The following SETD2 variants were observed in gnomAD, a reference collection of about 807,000 sequenced individuals.
SETD2 encodes the protein histone-lysine N-methyltransferase SETD2.
SETD2 carries 31 observed loss-of-function variants against 242.1 expected under a neutral mutation model. That is an observed-to-expected ratio of 0.13 (90% confidence interval 0.10 to 0.17). The LOEUF is 0.17. SETD2 is among the 10% of genes least tolerant of loss of function. The pLI, the probability that SETD2 is intolerant of heterozygous loss-of-function variation, is 1.00. For synonymous variants in SETD2, 1,006 were observed against 1,066.5 expected, an observed-to-expected ratio of 0.94 and a Z score of 1.11; for missense variants, 2,481 against 3,046.3, an observed-to-expected ratio of 0.81 and a Z score of 4.37.
At chr3:47,109,650 A>C (rs1314631728) in intron 5 of SETD2, among the ~76,000 whole-genome samples, 1 of 152,112 alleles carries the variant, frequency 6.6e-6, no homozygotes, top group African/African-American at 2.4e-5. Context: ...CCTGTGTCGG[A>C]AAACAACAAA....
In SETD2 at chr3:47,120,093, T is replaced by C. The variant is rs531323766; in HGVS notation, c.4454+89A>G. The C allele has an allele frequency of 2.9e-5, 31 of 1,063,726 alleles. No individual in the cohort carries two copies. In the African/African-American group the frequency reaches 4.8e-4, roughly 16 times the overall value. The allele number at this position is 1,063,726 out of a possible 1,614,324, so 65.9% of individuals were successfully genotyped here. A position where few individuals can be genotyped will look rare whatever the true frequency, so the allele number is the denominator to read the frequency against. On this transcript the variant is annotated intron_variant, in intron 3 of 20. Transcript: ENST00000409792. ...TTATCCCACAACTCTTTCATGTGTT[T>C]AATCTCATACAGTCTGAATTGTTTA...
chr3:47,129,713 C>A (rs2043432796), intron 1 of SETD2, among the ~76,000 whole-genome samples: 1 of 152,042 alleles, frequency 6.6e-6, no homozygotes, highest in Non-Finnish European at 1.5e-5. Flanking sequence ...TGGGGAAACC[C>A]CATCTCTACA....
chr3:47,036,982 T>C (rs1209799186), intron 18 of SETD2, among the ~76,000 whole-genome samples: 1 of 148,614 alleles, frequency 6.7e-6, no homozygotes, highest in East Asian at 2.0e-4. Context: ...CCATCACAAT[T>C]CTTGGCCATA....
rs2043152074 is a variant in SETD2, at chr3:47,122,740, T to C, written c.1896A>G (p.Glu632=). 1.2e-6 allele frequency: 2 copies of C among 1,610,994 alleles called. No individual in the cohort carries two copies. The highest frequency in any genetic ancestry group is 1.7e-6 in the Non-Finnish European group (2 of 1,178,940). ...TAAATTCGGACTTAAAAATAGGCAA[T>C]TCATCTAGCTTTTTTAAAGTAGGTG... ...NDSPTLKKLD[E]LPIFKSEFIT... The change falls in exon 3 of 21, where the codon GAA becomes GAG. Residue 632 remains glutamate, a synonymous_variant. Transcript: ENST00000409792.
chr3:47,116,892 A>T, intron 3 of SETD2, 138 bp from the exon 4 acceptor site: 1 of 602,738 alleles, frequency 1.7e-6, no homozygotes, highest in Non-Finnish European at 2.8e-6. Flanking sequence ...CACCCAGGCC[A>T]GGGTGCAGTG....
At chr3:47,150,654 T>C (rs1465438070) in intron 1 of SETD2, among the ~76,000 whole-genome samples, 3 of 152,096 alleles carry the variant, frequency 2.0e-5, no homozygotes, top group African/African-American at 7.2e-5. Context: ...CTCAATTCCC[T>C]GACCTCTGTC....
chr3:47,084,910 T>C (rs2107642673), intron 11 of SETD2, among the ~76,000 whole-genome samples: 1 of 151,090 alleles, frequency 6.6e-6, no homozygotes, highest in African/African-American at 2.4e-5. Context: ...TTTTTTTTTT[T>C]AGTAGAGATG....
intron 1 of SETD2, among the ~76,000 whole-genome samples, chr3:47,144,844 G>T (rs183868413): frequency 2.6e-5 from 4 of 151,792 alleles, no homozygotes; most frequent in African/African-American, 4.8e-5. Context: ...CCAGCTACTC[G>T]GGAGGCTGAG....
At chr3:47,064,096 GA>G (rs1215045916) in intron 13 of SETD2, among the ~76,000 whole-genome samples, 2 of 152,228 alleles carry the variant, frequency 1.3e-5, no homozygotes, top group Admixed American at 1.3e-4. Flanking sequence ...CTCTTATTGA[GA>G]ATTTCTCTCA....
chr3:47,134,922 C>T lies in SETD2; in HGVS notation c.72-8259G>A, dbSNP rs561120773. On this transcript the variant is annotated intron_variant, in intron 1 of 20. Transcript: ENST00000409792. ...TATAGGTGTAAACCACCACACCCGG[C>T]CTGAATGACATTTTAGAAAGGTAAC... 7.9e-5 allele frequency among the ~76,000 whole-genome samples: 12 copies of T among 152,244 alleles called. 1 individual carries two copies. The South Asian group carries it at 2.5e-3, about 32-fold the overall frequency.
intron 17 of SETD2, among the ~76,000 whole-genome samples, chr3:47,042,037 A>G (rs2039303912): frequency 6.6e-6 from 1 of 152,220 alleles, no homozygotes; most frequent in Non-Finnish European, 1.5e-5. Context: ...AAATCTCCTC[A>G]GCTTTCTCCA....
At chr3:47,033,652 A>ATTTTTTTT (rs34978514) in intron 18 of SETD2, among the ~76,000 whole-genome samples, 5 of 90,854 alleles carry the variant, frequency 5.5e-5, no homozygotes, top group East Asian at 4.0e-4. Context: ...TCATGGTTTG[A>ATTTTTTTT]TTTTTTTTTT....
At chr3:47,113,106 CTTT>C (rs67797383) in intron 5 of SETD2, among the ~76,000 whole-genome samples, 1 of 148,208 alleles carries the variant, frequency 6.7e-6, no homozygotes, top group Non-Finnish European at 1.5e-5. Context: ...CTCTTCTACT[CTTT>C]TTTTTTTTCT....
intron 1 of SETD2, among the ~76,000 whole-genome samples, chr3:47,142,232 G>A (rs905704995): frequency 5.3e-5 from 8 of 152,190 alleles, no homozygotes; most frequent in Admixed American, 5.2e-4. Context: ...TGGGCTGGAC[G>A]TGGTAGCTCC....
intron 1 of SETD2, among the ~76,000 whole-genome samples, chr3:47,152,256 A>G (rs1159927022): frequency 2.0e-5 from 3 of 152,200 alleles, no homozygotes; most frequent in Non-Finnish European, 2.9e-5. Context: ...TTTACTACAG[A>G]TAATTCTTAA....
intron 8 of SETD2, among the ~76,000 whole-genome samples, chr3:47,100,747 A>C (rs1214992532): frequency 6.6e-6 from 1 of 152,044 alleles, no homozygotes; most frequent in Non-Finnish European, 1.5e-5. Context: ...GCAGTGGCTC[A>C]AGCCTGTAAT....
rs193285870 is a variant in SETD2, at chr3:47,024,210, C to T, written c.7351-4370G>A. On this transcript the variant is annotated intron_variant, in intron 18 of 20. Coordinates refer to ENST00000409792, the MANE Select transcript of SETD2 (RefSeq NM_014159.7). Reference sequence around the variant, plus strand: ...CAAAAAGGCCAGGCGTGGTGACTCACGCCTGTAATCCCAGCACTTTGGGAG... The same window carrying T: ...CAAAAAGGCCAGGCGTGGTGACTCATGCCTGTAATCCCAGCACTTTGGGAG... Among the ~76,000 whole-genome samples the T allele has an allele frequency of 3.4e-3, 525 of 152,192 alleles. 2 individuals are homozygous for T. The highest frequency in any genetic ancestry group is 7.1e-3 in the Admixed American group (108 of 15,292).
intron 1 of SETD2, among the ~76,000 whole-genome samples, chr3:47,142,670 CTT>C (rs376806677): frequency 8.6e-5 from 12 of 139,574 alleles, no homozygotes; most frequent in Admixed American, 1.4e-4. Context: ...TATACATTGT[CTT>C]TTTTTTTTTT....
At chr3:47,089,156 G>GC (rs2041691358) in intron 9 of SETD2, among the ~76,000 whole-genome samples, 1 of 152,114 alleles carries the variant, frequency 6.6e-6, no homozygotes, top group Non-Finnish European at 1.5e-5. Context: ...TTTTAAACAG[G>GC]CAAGGATGAC....
Sources: gnomAD v4.1 joint callset for allele counts (sites outside exome capture counted in the v4.1 genomes callset) on GRCh38, gnomAD v4.1.1 for gene constraint, MANE v1.5 for transcripts, NCBI Gene and HGNC (gene_info 2026-07-23, HGNC 2026-07-21) for gene names.